COX7B2: variants seen among roughly 807,000 people sequenced by gnomAD.
COX7B2 encodes cytochrome c oxidase subunit 7B2, mitochondrial.
For missense variants in COX7B2, 109 were observed against 95.9 expected (o/e 1.14, Z -0.57); for synonymous variants, 37 against 32.1 (o/e 1.15, Z -0.51).
intron 1 of COX7B2, among the ~76,000 whole-genome samples, chr4:46,880,211 T>TA (rs893209102): frequency 6.6e-6 from 1 of 152,130 alleles, no homozygotes; most frequent in African/African-American, 2.4e-5. Context: ...TCAATGTACA[T>TA]AAAAAATACT....
intron 2 of COX7B2, among the ~76,000 whole-genome samples, chr4:46,769,230 A>G (rs62305173): frequency 0.11 from 17,223 of 152,220 alleles, 1,425 homozygotes; most frequent in East Asian, 0.25. Flanking sequence ...TTATGATGTA[A>G]TATTACCCTG....
chr4:46,814,952 G>A lies in COX7B2; in HGVS notation c.-50+30008C>T, dbSNP rs548094021. The stretch of plus-strand genomic sequence containing the variant: ...TGTAATCCCAGCACTTTGGGTGGCC[G>A]AAGTGGGCGAATCACTTCAGGCCAG... On this transcript the variant is annotated intron_variant, in intron 2 of 2. Transcript: ENST00000355591. 8.5e-5 allele frequency among the ~76,000 whole-genome samples: 13 copies of A among 152,186 alleles called. No homozygotes were observed. The East Asian group carries it at 1.4e-3, about 16-fold the overall frequency.
chr4:46,805,698 C>T (rs2109643628), intron 2 of COX7B2, among the ~76,000 whole-genome samples: 1 of 152,260 alleles, frequency 6.6e-6, no homozygotes, highest in African/African-American at 2.4e-5. Context: ...TTCATCTTCA[C>T]ACAATGCCCC....
chr4:46,846,037 AAT>A (rs1449358624), intron 1 of COX7B2, among the ~76,000 whole-genome samples: 6 of 152,118 alleles, frequency 3.9e-5, no homozygotes, highest in Admixed American at 3.3e-4. Flanking sequence ...CTAAATTTTA[AAT>A]CAGACCCTAG....
intron 1 of COX7B2, among the ~76,000 whole-genome samples, chr4:46,879,686 G>T (rs1718584453): frequency 6.7e-6 from 1 of 150,098 alleles, no homozygotes; most frequent in African/African-American, 2.5e-5. Flanking sequence ...CCGCTTTGAT[G>T]AATCCTTGAT....
At chr4:46,739,338 CCAAACCAAAA>C (rs918939880) in intron 2 of COX7B2, among the ~76,000 whole-genome samples, 10 of 151,680 alleles carry the variant, frequency 6.6e-5, no homozygotes, top group South Asian at 6.2e-4. Flanking sequence ...ACAAACCAAA[CCAAACCAAAA>C]CAAAACAAAA....
intron 2 of COX7B2, among the ~76,000 whole-genome samples, chr4:46,818,802 G>A (rs1461492789): frequency 6.6e-6 from 1 of 152,212 alleles, no homozygotes; most frequent in Non-Finnish European, 1.5e-5. Context: ...ATGAACCACA[G>A]ATGGCATATT....
chr4:46,841,221 G>T (rs1309446981), intron 2 of COX7B2, among the ~76,000 whole-genome samples: 2 of 151,862 alleles, frequency 1.3e-5, no homozygotes, highest in African/African-American at 2.4e-5. Context: ...TGGAGAGGTG[G>T]AATCCAGTTA....
At chr4:46,769,179 T>C (rs1716727516) in intron 2 of COX7B2, among the ~76,000 whole-genome samples, 1 of 152,054 alleles carries the variant, frequency 6.6e-6, no homozygotes, top group Non-Finnish European at 1.5e-5. Flanking sequence ...TCTCAAACTC[T>C]TCCCAAAAGC....
chr4:46,830,550 CAT>C (rs1420438780), intron 2 of COX7B2, among the ~76,000 whole-genome samples: 2 of 152,162 alleles, frequency 1.3e-5, no homozygotes, highest in South Asian at 2.1e-4. Flanking sequence ...TCTAAAAAAA[CAT>C]ATGAAAATGT....
chr4:46,888,774 T>C (rs1340266524), intron 1 of COX7B2, among the ~76,000 whole-genome samples: 1 of 152,184 alleles, frequency 6.6e-6, no homozygotes, highest in Admixed American at 6.5e-5. Context: ...TATATTGTAT[T>C]GATATTACTT....
chr4:46,809,352 G>A (rs1159584822), intron 2 of COX7B2, among the ~76,000 whole-genome samples: 1 of 151,386 alleles, frequency 6.6e-6, no homozygotes, highest in Non-Finnish European at 1.5e-5. Context: ...AGTTCCTTGA[G>A]GCTTAATGTT....
chr4:46,806,409 T>C lies in COX7B2; in HGVS notation c.-50+38551A>G, dbSNP rs549827573. On this transcript the variant is annotated intron_variant, in intron 2 of 2. Coordinates refer to ENST00000355591, the MANE Select transcript of COX7B2 (RefSeq NM_130902.3). ...TAATATTCATAAGTTTTTTGTTTTA[T>C]TTTTATTTTAAATAGATTTTGCTTT... Among the ~76,000 whole-genome samples, 3 of 152,176 alleles carry C rather than the reference T, an allele frequency of 2.0e-5. No individual in the cohort carries two copies. In the South Asian group the frequency reaches 6.2e-4, roughly 32 times the overall value.
chr4:46,818,624 G>A (rs1714023386), intron 2 of COX7B2, among the ~76,000 whole-genome samples: 2 of 149,516 alleles, frequency 1.3e-5, no homozygotes, highest in East Asian at 1.9e-4. Context: ...GCGACTGAGC[G>A]AGACTCTGTC....
intron 1 of COX7B2, among the ~76,000 whole-genome samples, chr4:46,872,132 T>G (rs979228173): frequency 6.6e-6 from 1 of 152,190 alleles, no homozygotes; most frequent in Non-Finnish European, 1.5e-5. Context: ...CATGGAATAC[T>G]ATGCAGCCAT....
intron 2 of COX7B2, among the ~76,000 whole-genome samples, chr4:46,782,139 T>TA (rs1273247050): frequency 1.3e-5 from 2 of 152,130 alleles, no homozygotes; most frequent in African/African-American, 4.8e-5. Flanking sequence ...AGTGGGGACT[T>TA]AGAGAACTTT....
intron 2 of COX7B2, among the ~76,000 whole-genome samples, chr4:46,787,115 C>A (rs1341477537): frequency 2.0e-5 from 3 of 152,162 alleles, no homozygotes; most frequent in Non-Finnish European, 2.9e-5. Flanking sequence ...TCCTAGCATC[C>A]TTTTGGAATA....
chr4:46,765,059 G>A (rs1466653184), intron 2 of COX7B2, among the ~76,000 whole-genome samples: 8 of 151,648 alleles, frequency 5.3e-5, no homozygotes, highest in African/African-American at 1.7e-4. Flanking sequence ...GAAATGCCAA[G>A]CAGAAGTGCA....
intron 1 of COX7B2, among the ~76,000 whole-genome samples, chr4:46,908,582 T>C (rs1221382397): frequency 1.3e-5 from 2 of 152,178 alleles, no homozygotes; most frequent in Non-Finnish European, 1.5e-5. Context: ...TGCCAGAAGA[T>C]ACAACTACAC....
Sources: allele counts gnomAD v4.1 joint callset (sites outside exome capture counted in the v4.1 genomes callset), GRCh38; gene constraint gnomAD v4.1.1; transcripts MANE v1.5; gene names NCBI Gene and HGNC (gene_info 2026-07-23, HGNC 2026-07-21).